WDR64: variants seen among roughly 807,000 people sequenced by gnomAD.
WDR64 encodes WD repeat domain 64, also known as WD repeat-containing protein 64.
A neutral mutation model predicts 139.3 loss-of-function variants in WDR64; 112 were observed. The observed-to-expected ratio is 0.80, with a 90% CI of 0.69 to 0.94. The LOEUF is 0.94. Among genes scored for constraint, WDR64 ranks in the 40% least tolerant of loss-of-function variants. The probability of loss-of-function intolerance (pLI) is 0.00; values close to 1 mark genes in which losing one functional copy is unlikely to be tolerated. For missense variants in WDR64, 1,206 were observed against 1,293.1 expected, an observed-to-expected ratio of 0.93 and a Z score of 1.03; for synonymous variants, 444 against 437.7, an observed-to-expected ratio of 1.01 and a Z score of -0.18.
intron 15 of WDR64, among the ~76,000 whole-genome samples, chr1:241,758,993 AATTTT>A (rs1202105195): frequency 6.6e-6 from 1 of 152,128 alleles, no homozygotes; most frequent in South Asian, 2.1e-4. Flanking sequence ...GGCTTTTACT[AATTTT>A]ATTTTATTTT....
At chr1:241,660,815 C>A in intron 2 of WDR64, 155 bp downstream of exon 2, 2 of 738,486 alleles carry the variant, frequency 2.7e-6, no homozygotes, top group Non-Finnish European at 2.2e-6. Flanking sequence ...TGGCCACTGC[C>A]CACAAATGAA....
At chr1:241,800,440 T>A (rs1659488672) in intron 27 of WDR64, among the ~76,000 whole-genome samples, 4 of 152,202 alleles carry the variant, frequency 2.6e-5, no homozygotes, top group Non-Finnish European at 5.9e-5. Flanking sequence ...TAAACCAAAT[T>A]AGTTTAAATT....
chr1:241,665,206 A>T (rs550943585), intron 2 of WDR64, among the ~76,000 whole-genome samples: 1 of 152,290 alleles, frequency 6.6e-6, no homozygotes, highest in Admixed American at 6.5e-5. Context: ...ATGACTTGAG[A>T]TTTAAAAAAA....
At chr1:241,734,179 T>G (rs566894239) in intron 10 of WDR64, among the ~76,000 whole-genome samples, 53 of 152,252 alleles carry the variant, frequency 3.5e-4, no homozygotes, top group Non-Finnish European at 6.8e-4. Context: ...TACCTACCTG[T>G]GTCCTGGAAG....
At chr1:241,698,929 C>A (rs10926539) in intron 8 of WDR64, among the ~76,000 whole-genome samples, 100,862 of 152,120 alleles carry the variant, frequency 0.66, 34,735 homozygotes, top group African/African-American at 0.85. Flanking sequence ...GGAAACATAC[C>A]ATCGTGGTGG....
intron 7 of WDR64, among the ~76,000 whole-genome samples, chr1:241,684,167 G>T (rs76844584): frequency 6.6e-6 from 1 of 152,136 alleles, no homozygotes; most frequent in African/African-American, 2.4e-5. Flanking sequence ...GACATCAAAA[G>T]CTAGTATTTT....
At chr1:241,794,502 C>CTTTTTTTTTTTTTTTTTTTTTTTTTTTTT (rs1659299229) in intron 25 of WDR64, among the ~76,000 whole-genome samples, 1 of 105,024 alleles carries the variant, frequency 9.5e-6, no homozygotes, top group Non-Finnish European at 1.8e-5. Context: ...TTAAGCTTTA[C>CTTTTTTTTTTTTTTTTTTTTTTTTTTTTT]TGTTTTTTTT....
chr1:241,656,540 C>G lies in WDR64; in HGVS notation c.145+3911C>G, dbSNP rs1665602380. Among the ~76,000 whole-genome samples, 1 of 152,182 alleles carries G rather than the reference C, an allele frequency of 6.6e-6. No homozygotes were observed. The highest frequency in any genetic ancestry group is 1.5e-5 in the Non-Finnish European group (1 of 68,042). Reference sequence around the variant, plus strand: ...AGATGCCTCATGAGAATTTCTGACTCAATATTACCAAAATAGAGTGCTTTA... The same window carrying G: ...AGATGCCTCATGAGAATTTCTGACTGAATATTACCAAAATAGAGTGCTTTA... On this transcript the variant is annotated intron_variant, in intron 1 of 27. Coordinates refer to ENST00000437684, the MANE Select transcript of WDR64 (RefSeq NM_001367482.1). The surrounding 1 kb of genome is among the most constrained non-coding windows in gnomAD (Gnocchi z 4.3).
At chr1:241,751,480 A>C (rs367809704) in intron 14 of WDR64, among the ~76,000 whole-genome samples, 2 of 152,140 alleles carry the variant, frequency 1.3e-5, no homozygotes, top group South Asian at 4.1e-4. Context: ...ACAAAAAAAC[A>C]AACACCCCCA....
intron 9 of WDR64, among the ~76,000 whole-genome samples, chr1:241,722,261 C>G (rs116288782): frequency 0.013 from 2,035 of 152,192 alleles, 48 homozygotes; most frequent in African/African-American, 0.047. Flanking sequence ...CATTTTAAAT[C>G]ATGACAATAT....
At chr1:241,731,321 C>A (rs535515093) in intron 10 of WDR64, among the ~76,000 whole-genome samples, 26 of 148,960 alleles carry the variant, frequency 1.7e-4, no homozygotes, top group Middle Eastern at 3.5e-3. Context: ...CCAACCTGGG[C>A]AACATAGAGA....
intron 25 of WDR64, 70 bp from the exon 26 acceptor site, chr1:241,795,137 T>C (rs1399942023): frequency 7.2e-7 from 1 of 1,397,726 alleles, no homozygotes. Flanking sequence ...GAGTCAGGAT[T>C]TGAACCCAGG....
intron 9 of WDR64, among the ~76,000 whole-genome samples, chr1:241,721,961 G>A (rs536332609): frequency 6.9e-4 from 105 of 152,208 alleles, no homozygotes; most frequent in African/African-American, 2.4e-3. Context: ...AAGGAGCCTG[G>A]AAATGTGTAT....
At chr1:241,712,846 G>T (rs11590676) in intron 9 of WDR64, among the ~76,000 whole-genome samples, 105,929 of 151,736 alleles carry the variant, frequency 0.7, 37,471 homozygotes, top group Non-Finnish European at 0.74. Flanking sequence ...AGAGGATCAC[G>T]TGAGCCCAGG....
chr1:241,787,320 C>T (rs1405821479), intron 23 of WDR64, among the ~76,000 whole-genome samples: 4 of 145,374 alleles, frequency 2.8e-5, no homozygotes, highest in South Asian at 2.2e-4. Flanking sequence ...GCCGAGATGG[C>T]ACCACTGCAC....
chr1:241,770,681 G>A lies in WDR64; in HGVS notation c.2244G>A (p.Gln748=). 3 of 1,551,508 alleles carry A rather than the reference G, an allele frequency of 1.9e-6. No individual in the cohort carries two copies. Among genetic ancestry groups the A allele is most frequent in the Non-Finnish European group, 2.6e-6 (3 of 1,146,866 alleles). ...SSQCESSKGP[Q]SSKGSKQSIH... is the part of the protein sequence containing the mutation. ...AGTGTGAATCCAGCAAAGGTCCACA[G>A]AGCAGTAAGGTAAGCAAGACACAGA... Residue 748 remains glutamine (Q), a synonymous_variant, in exon 18 of 28, where the codon CAG becomes CAA. Coordinates refer to ENST00000437684, the MANE Select transcript of WDR64 (RefSeq NM_001367482.1).
chr1:241,675,021 T>A (rs1407230386), intron 4 of WDR64, among the ~76,000 whole-genome samples: 1 of 24,226 alleles, frequency 4.1e-5, no homozygotes, highest in Non-Finnish European at 1.1e-4. Context: ...TCCTTTCTTC[T>A]TCCTTCCCTC....
At chr1:241,688,967 T>A (rs1461167770) in intron 8 of WDR64, among the ~76,000 whole-genome samples, 2 of 152,132 alleles carry the variant, frequency 1.3e-5, no homozygotes, top group African/African-American at 4.8e-5. Context: ...CTTTCCAAGG[T>A]ATGCCCTCAA....
chr1:241,780,283 A>C (rs1040573719), intron 22 of WDR64, among the ~76,000 whole-genome samples: 3 of 152,196 alleles, frequency 2.0e-5, no homozygotes, highest in African/African-American at 7.2e-5. Flanking sequence ...GCCACTGGTC[A>C]CTTTGCATCG....
Sources: allele counts gnomAD v4.1 joint callset (sites outside exome capture counted in the v4.1 genomes callset), GRCh38; gene constraint gnomAD v4.1.1; non-coding constraint Gnocchi (gnomAD v3.1); transcripts MANE v1.5; gene names NCBI Gene and HGNC (gene_info 2026-07-23, HGNC 2026-07-21).